The following IMMP2L variants were observed in gnomAD, a reference collection of about 807,000 sequenced individuals.
The protein encoded by IMMP2L is mitochondrial inner membrane protease subunit 2.
A neutral mutation model predicts 19.3 loss-of-function variants in IMMP2L; 18 were observed. The ratio of observed to expected loss-of-function variants is 0.93; its 90% CI spans 0.64 to 1.38. The LOEUF is 1.38. Among genes scored for constraint, IMMP2L ranks in the 40% most tolerant of loss-of-function variants. The pLI, the probability that IMMP2L is intolerant of heterozygous loss-of-function variation, is 0.00. For missense variants in IMMP2L, 233 were observed against 218.2 expected (o/e 1.07, Z -0.43); for synonymous variants, 76 against 73.0 (o/e 1.04, Z -0.21).
At chr7:111,536,489 T>G (rs1167019193) in intron 1 of IMMP2L, among the ~76,000 whole-genome samples, 1 of 151,982 alleles carries the variant, frequency 6.6e-6, no homozygotes, top group African/African-American at 2.4e-5. Context: ...ATATTTTTTG[T>G]AGAGATGGAG....
At chr7:111,240,056 T>C (rs1045226688) in intron 3 of IMMP2L, among the ~76,000 whole-genome samples, 2 of 151,944 alleles carry the variant, frequency 1.3e-5, no homozygotes, top group African/African-American at 4.8e-5. Context: ...ACATTGACAA[T>C]AGATTTCCTC....
intron 2 of IMMP2L, among the ~76,000 whole-genome samples, chr7:111,509,815 G>GA (rs57808937): frequency 8.7e-5 from 13 of 149,706 alleles, no homozygotes; most frequent in East Asian, 3.9e-4. Context: ...CAAAGTCTAA[G>GA]AAAAAAAAAA....
intron 3 of IMMP2L, among the ~76,000 whole-genome samples, chr7:111,468,563 A>G (rs866557404): frequency 6.6e-6 from 1 of 152,134 alleles, no homozygotes; most frequent in African/African-American, 2.4e-5. Flanking sequence ...TAAAGATAGA[A>G]CAGCAGTCTA....
chr7:110,974,503 G>C (rs1010587073), intron 3 of IMMP2L, among the ~76,000 whole-genome samples: 1 of 152,108 alleles, frequency 6.6e-6, no homozygotes, highest in Non-Finnish European at 1.5e-5. Context: ...ATGAAATCAA[G>C]TAAATACTTC....
intron 5 of IMMP2L, among the ~76,000 whole-genome samples, chr7:110,832,850 G>C (rs1354433348): frequency 1.3e-5 from 2 of 152,142 alleles, no homozygotes; most frequent in African/African-American, 4.8e-5. Context: ...AGACACAGAA[G>C]TCGTGATGAG....
In IMMP2L at chr7:110,770,627, C is replaced by A. The variant is rs549205729; in HGVS notation, c.409-106906G>T. 2.0e-5 allele frequency among the ~76,000 whole-genome samples: 3 copies of A among 152,198 alleles called. No homozygotes were observed. The East Asian group carries it at 5.8e-4, about 29-fold the overall frequency. The stretch of plus-strand genomic sequence containing the variant: ...ATTTTTATACATACAATACAGCAAA[C>A]GTTCCTATTGAGCAGATCTGCATCT... On this transcript the variant is annotated intron_variant, in intron 5 of 5. Coordinates refer to ENST00000405709, the MANE Select transcript of IMMP2L (RefSeq NM_032549.4).
intron 5 of IMMP2L, among the ~76,000 whole-genome samples, chr7:110,734,126 A>C (rs997827250): frequency 2.0e-5 from 3 of 152,204 alleles, no homozygotes; most frequent in Admixed American, 6.5e-5. Context: ...AAGAATTTTA[A>C]AGTGCATTGC....
At chr7:110,946,383 A>C (rs961528480) in intron 4 of IMMP2L, among the ~76,000 whole-genome samples, 15 of 152,282 alleles carry the variant, frequency 9.9e-5, no homozygotes, top group Middle Eastern at 3.4e-3. Context: ...TAAATTTAAA[A>C]TATTGAGACA....
At chr7:111,426,601 T>C (rs1490403449) in intron 3 of IMMP2L, among the ~76,000 whole-genome samples, 2 of 151,288 alleles carry the variant, frequency 1.3e-5, no homozygotes, top group Admixed American at 6.6e-5. Flanking sequence ...CAAAGTACTG[T>C]GTAAATTGTC....
intron 5 of IMMP2L, among the ~76,000 whole-genome samples, chr7:110,792,816 G>A (rs554311338): frequency 1.3e-5 from 2 of 152,120 alleles, no homozygotes; most frequent in Non-Finnish European, 2.9e-5. Flanking sequence ...GAGTTTTGGT[G>A]CCTTAAAGAT....
intron 5 of IMMP2L, among the ~76,000 whole-genome samples, chr7:110,751,532 C>G (rs963839045): frequency 1.3e-5 from 2 of 151,764 alleles, no homozygotes; most frequent in African/African-American, 2.4e-5. Flanking sequence ...AAAGAATAAC[C>G]TTGATAACCA....
At chr7:111,207,605 C>A (rs934024508) in intron 3 of IMMP2L, among the ~76,000 whole-genome samples, 22 of 141,060 alleles carry the variant, frequency 1.6e-4, no homozygotes, top group Admixed American at 6.6e-4. Flanking sequence ...GTGGCACAAT[C>A]CCTCACTGCA....
chr7:110,799,626 G>A (rs1447756170), intron 5 of IMMP2L, among the ~76,000 whole-genome samples: 1 of 151,950 alleles, frequency 6.6e-6, no homozygotes, highest in Non-Finnish European at 1.5e-5. Context: ...TTTACTCGAG[G>A]AACTACAGTA....
intron 5 of IMMP2L, among the ~76,000 whole-genome samples, chr7:110,750,592 G>A (rs1487951068): frequency 6.6e-6 from 1 of 151,968 alleles, no homozygotes; most frequent in Admixed American, 6.6e-5. Flanking sequence ...AGCAATTATG[G>A]TGACTCACTC....
At chr7:111,364,344 AT>A (rs1253429736) in intron 3 of IMMP2L, among the ~76,000 whole-genome samples, 2 of 152,104 alleles carry the variant, frequency 1.3e-5, no homozygotes, top group Admixed American at 6.6e-5. Flanking sequence ...TTTAAAAAAA[AT>A]CTACCTCAAT....
rs182559217 is a variant in IMMP2L at position 110,704,422 on chromosome 7, T to C, written c.409-40701A>G. Among the ~76,000 whole-genome samples the C allele has an allele frequency of 1.1e-3, 164 of 152,362 alleles. 1 individual carries two copies. Among genetic ancestry groups the C allele is most frequent in the African/African-American group, 3.8e-3 (158 of 41,586 alleles). ...GCAACTTTCCAATGCATGATGTAAC[T>C]ATAAGCTATTCTGAGCAATATTTGT... is the stretch of plus-strand genomic sequence containing the variant. On this transcript the variant is annotated intron_variant, in intron 5 of 5. Coordinates refer to ENST00000405709, the MANE Select transcript of IMMP2L (RefSeq NM_032549.4).
At chr7:110,904,772 C>T (rs1812279889) in intron 4 of IMMP2L, among the ~76,000 whole-genome samples, 1 of 152,166 alleles carries the variant, frequency 6.6e-6, no homozygotes, top group Non-Finnish European at 1.5e-5. Context: ...AGCTCTAGTG[C>T]ATCTTAGGCT....
intron 3 of IMMP2L, among the ~76,000 whole-genome samples, chr7:111,391,264 C>A (rs1474839225): frequency 6.6e-6 from 1 of 152,116 alleles, no homozygotes; most frequent in Admixed American, 6.6e-5. Flanking sequence ...TCTCCACTCC[C>A]TTGTGGAACA....
chr7:111,418,843 A>G (rs936893449), intron 3 of IMMP2L, among the ~76,000 whole-genome samples: 1 of 151,912 alleles, frequency 6.6e-6, no homozygotes, highest in Non-Finnish European at 1.5e-5. Context: ...ATTTGTACAC[A>G]TACAAATATA....
Sources: gnomAD v4.1 joint callset for allele counts (sites outside exome capture counted in the v4.1 genomes callset) on GRCh38, gnomAD v4.1.1 for gene constraint, MANE v1.5 for transcripts, NCBI Gene and HGNC (gene_info 2026-07-23, HGNC 2026-07-21) for gene names.